The following ASH1L variants were observed in gnomAD, a reference collection of about 807,000 sequenced individuals.
ASH1L encodes histone-lysine N-methyltransferase ASH1L.
Under a neutral mutation model 269.0 loss-of-function variants are expected in ASH1L, and 23 were observed. That is an observed-to-expected ratio of 0.09 (90% CI 0.06 to 0.12). The LOEUF is 0.12. Among genes scored for constraint, ASH1L ranks in the 10% least tolerant of loss-of-function variants. The probability of loss-of-function intolerance (pLI) is 1.00; values close to 1 mark genes in which losing one functional copy is unlikely to be tolerated. For missense variants in ASH1L, 2,912 were observed against 3,567.8 expected, an observed-to-expected ratio of 0.82 and a Z score of 4.68; for synonymous variants, 1,187 against 1,253.5, an observed-to-expected ratio of 0.95 and a Z score of 1.12.
intron 1 of ASH1L, among the ~76,000 whole-genome samples, chr1:155,555,015 C>A (rs1047987535): frequency 1.3e-5 from 2 of 150,804 alleles, no homozygotes. Flanking sequence ...TGGTGGCATA[C>A]ACCAGTAGTC....
intron 4 of ASH1L, among the ~76,000 whole-genome samples, chr1:155,454,716 T>G (rs1234128493): frequency 6.6e-6 from 1 of 151,954 alleles, no homozygotes; most frequent in East Asian, 1.9e-4. Flanking sequence ...TGCAGTGAGC[T>G]GAGATCGTGA....
At chr1:155,477,173 GCTTA>G (rs777032731) in intron 3 of ASH1L, among the ~76,000 whole-genome samples, 1 of 152,200 alleles carries the variant, frequency 6.6e-6, no homozygotes, top group Non-Finnish European at 1.5e-5. Flanking sequence ...AGTGGCAAAT[GCTTA>G]CTCTTTGTTT....
intron 1 of ASH1L, among the ~76,000 whole-genome samples, chr1:155,522,863 G>A (rs1388034004): frequency 2.0e-5 from 3 of 151,940 alleles, no homozygotes; most frequent in African/African-American, 7.3e-5. Flanking sequence ...GCTAATTTTT[G>A]TATTTTTAGT....
chr1:155,498,060 A>C (rs892769768), intron 2 of ASH1L, among the ~76,000 whole-genome samples: 1 of 152,118 alleles, frequency 6.6e-6, no homozygotes, highest in Non-Finnish European at 1.5e-5. Flanking sequence ...CCAAAAGAAA[A>C]TTCTAACGAA....
At chr1:155,518,165 G>A (rs1571043119) in intron 2 of ASH1L, among the ~76,000 whole-genome samples, 3 of 152,250 alleles carry the variant, frequency 2.0e-5, no homozygotes, top group Non-Finnish European at 4.4e-5. Flanking sequence ...TTCAAGAAAC[G>A]ATGCTGAGAA....
At chr1:155,438,038 A>T (rs547416345) in intron 5 of ASH1L, among the ~76,000 whole-genome samples, 2 of 152,160 alleles carry the variant, frequency 1.3e-5, no homozygotes, top group East Asian at 3.9e-4. Context: ...TAGTAGAGAA[A>T]GGGTTTACCA....
chr1:155,533,935 A>C (rs1669865605), intron 1 of ASH1L, among the ~76,000 whole-genome samples: 1 of 152,118 alleles, frequency 6.6e-6, no homozygotes, highest in Admixed American at 6.5e-5. Context: ...TGAGAGCCTC[A>C]AAATATGTTT....
chr1:155,520,358 TCA>T (rs1491103499), intron 2 of ASH1L: 1 of 31,670 alleles, frequency 3.2e-5, no homozygotes, highest in Admixed American at 4.7e-4. Flanking sequence ...AGACTCCATC[TCA>T]AAAAAAAAAA....
At chr1:155,366,504 A>G (rs1655430414) in intron 12 of ASH1L, among the ~76,000 whole-genome samples, 1 of 152,166 alleles carries the variant, frequency 6.6e-6, no homozygotes, top group African/African-American at 2.4e-5. Flanking sequence ...CACTTAAAAA[A>G]AACTGCCAAC....
At chr1:155,467,477 T>A (rs1664778557) in intron 3 of ASH1L, among the ~76,000 whole-genome samples, 1 of 152,188 alleles carries the variant, frequency 6.6e-6, no homozygotes, top group Non-Finnish European at 1.5e-5. Flanking sequence ...AACTACCATA[T>A]GCACATAATT....
chr1:155,512,448 CTTTTT>C (rs1217608016), intron 2 of ASH1L, among the ~76,000 whole-genome samples: 3 of 93,720 alleles, frequency 3.2e-5, no homozygotes, highest in Non-Finnish European at 6.0e-5. Flanking sequence ...GGATCTTAGA[CTTTTT>C]TTTTTTTTTT....
At chr1:155,545,475 C>T (rs1038597578) in intron 1 of ASH1L, among the ~76,000 whole-genome samples, 1 of 151,684 alleles carries the variant, frequency 6.6e-6, no homozygotes, top group African/African-American at 2.4e-5. Flanking sequence ...CACACACACA[C>T]AAAATATATG....
At chr1:155,411,285 G>A (rs1659738778) in intron 6 of ASH1L, among the ~76,000 whole-genome samples, 1 of 151,928 alleles carries the variant, frequency 6.6e-6, no homozygotes, top group African/African-American at 2.4e-5. Flanking sequence ...ACTGATCAAT[G>A]TTCTTAAAAA....
chr1:155,500,153 C>T (rs988379000), intron 2 of ASH1L, among the ~76,000 whole-genome samples: 21 of 152,162 alleles, frequency 1.4e-4, no homozygotes, highest in Admixed American at 1.2e-3. Flanking sequence ...CTCATGCTTC[C>T]GTAATAGAAG....
At chr1:155,496,546 T>C (rs757808317) in intron 2 of ASH1L, among the ~76,000 whole-genome samples, 70 of 152,350 alleles carry the variant, frequency 4.6e-4, no homozygotes, top group Admixed American at 1.2e-3. Flanking sequence ...ATTGACTGAA[T>C]AATTCCATCT....
intron 10 of ASH1L, among the ~76,000 whole-genome samples, chr1:155,375,982 T>A (rs1336988948): frequency 1.3e-5 from 2 of 152,064 alleles, no homozygotes; most frequent in Non-Finnish European, 2.9e-5. Flanking sequence ...CACGCGTCTT[T>A]AGTCTCAGCT....
intron 1 of ASH1L, among the ~76,000 whole-genome samples, chr1:155,523,251 T>G (rs1420090243): frequency 6.6e-6 from 1 of 152,168 alleles, no homozygotes; most frequent in Non-Finnish European, 1.5e-5. Flanking sequence ...TCCCAGCACT[T>G]TCAGGGACTG....
intron 12 of ASH1L, among the ~76,000 whole-genome samples, chr1:155,367,430 G>A (rs1338999196): frequency 2.6e-5 from 4 of 152,128 alleles, no homozygotes; most frequent in Non-Finnish European, 5.9e-5. Flanking sequence ...AATTTCCCAT[G>A]TGTATAATAA....
At chr1:155,406,203 CAA>C (rs964056210) in intron 6 of ASH1L, among the ~76,000 whole-genome samples, 11 of 52,098 alleles carry the variant, frequency 2.1e-4, no homozygotes, top group Non-Finnish European at 2.9e-4. Context: ...GACTCTGTCT[CAA>C]AAAAAAAAAA....
Sources: allele counts gnomAD v4.1 joint callset (sites outside exome capture counted in the v4.1 genomes callset), GRCh38; gene constraint gnomAD v4.1.1; transcripts MANE v1.5; gene names NCBI Gene and HGNC (gene_info 2026-07-23, HGNC 2026-07-21).